The following AACS variants were observed in gnomAD, a reference collection of about 807,000 sequenced individuals.
AACS encodes the protein acetoacetyl-CoA synthetase, also known as acetoacetate-CoA ligase.
AACS carries 69 observed loss-of-function variants against 83.1 expected under a neutral mutation model. That is an observed-to-expected ratio of 0.83 (90% CI 0.68 to 1.01). The LOEUF is 1.01. Among genes scored for constraint, AACS ranks in the 50% least tolerant of loss-of-function variants. AACS has a pLI of 0.00. For missense variants in AACS, 866 were observed against 882.2 expected (o/e 0.98, Z 0.23); for synonymous variants, 333 against 343.4 (o/e 0.97, Z 0.33).
At chr12:125,132,413 G>C (rs575610467) in intron 14 of AACS, among the ~76,000 whole-genome samples, 7 of 152,196 alleles carry the variant, frequency 4.6e-5, no homozygotes, top group Non-Finnish European at 7.3e-5. Flanking sequence ...ACTGTATGTT[G>C]TTGCTGGCAC....
chr12:125,094,199 A>C lies in AACS; in HGVS notation c.570+2676A>C, dbSNP rs1294413843. On this transcript the variant is annotated intron_variant, in intron 5 of 17. Coordinates refer to ENST00000316519, the MANE Select transcript of AACS (RefSeq NM_023928.5). The surrounding 1 kb of genome is among the most constrained non-coding windows in gnomAD (Gnocchi z 4.1). Reference sequence around the variant, plus strand: ...TTCCTGCATCGGTTTGCAGATCTCTACTTAAAAAAGAGATCCTGTTTTTAA... The same window carrying C: ...TTCCTGCATCGGTTTGCAGATCTCTCCTTAAAAAAGAGATCCTGTTTTTAA... 6.6e-6 allele frequency among the ~76,000 whole-genome samples: 1 copy of C among 152,142 alleles called. No individual in the cohort carries two copies. Among genetic ancestry groups the C allele is most frequent in the Admixed American group, 6.5e-5 (1 of 15,284 alleles).
At chr12:125,135,482 A>T (rs1459692756) in intron 16 of AACS, among the ~76,000 whole-genome samples, 1 of 152,190 alleles carries the variant, frequency 6.6e-6, no homozygotes, top group African/African-American at 2.4e-5. Flanking sequence ...CATGCAGGAC[A>T]CCAAGCACAG....
chr12:125,065,543 G>A lies in AACS; in HGVS notation c.-42G>A, dbSNP rs1434313383. 5.5e-6 allele frequency: 8 copies of A among 1,467,610 alleles called. No homozygotes were observed. Among genetic ancestry groups the A allele is most frequent in the Admixed American group, 2.6e-5 (1 of 37,786 alleles). The allele number at this position is 1,467,610 out of a possible 1,614,324, so 90.9% of individuals were successfully genotyped here. On this transcript the variant is annotated 5_prime_UTR_variant, in exon 1 of 18. Coordinates refer to ENST00000316519, the MANE Select transcript of AACS (RefSeq NM_023928.5). ...GGCCCTCGCCTCAGCCCCGGCCCCT[G>A]GTCCCCAGCCCTCGTCGCAGCCCCG...
intron 1 of AACS, among the ~76,000 whole-genome samples, chr12:125,071,806 C>T (rs536397900): frequency 3.3e-5 from 5 of 152,228 alleles, no homozygotes; most frequent in South Asian, 2.1e-4. Context: ...TGGGGCTGGC[C>T]GCGTCTGCCT....
intron 9 of AACS, among the ~76,000 whole-genome samples, chr12:125,116,884 C>T (rs1379291963): frequency 7.2e-6 from 1 of 139,846 alleles, no homozygotes; most frequent in Non-Finnish European, 1.5e-5. Context: ...TCCCTCCCTT[C>T]CCCTCCCTAC....
chr12:125,081,270 A>G (rs911525261), intron 3 of AACS, among the ~76,000 whole-genome samples: 1 of 152,364 alleles, frequency 6.6e-6, no homozygotes, highest in East Asian at 1.9e-4. Flanking sequence ...TTGGGATTAC[A>G]GGCGTGAACC....
intron 5 of AACS, among the ~76,000 whole-genome samples, chr12:125,093,373 A>G (rs927546785): frequency 6.6e-6 from 1 of 152,344 alleles, no homozygotes. Context: ...CTGCAGTGGC[A>G]GGGCTGGACC....
chr12:125,135,267 G>T (rs763446741), intron 16 of AACS, among the ~76,000 whole-genome samples: 4 of 151,824 alleles, frequency 2.6e-5, no homozygotes, highest in Non-Finnish European at 5.9e-5. Flanking sequence ...GCTAGTTTTT[G>T]TATTTTTAGT....
At chr12:125,077,104 C>T (rs957575188) in intron 3 of AACS, among the ~76,000 whole-genome samples, 16 of 141,954 alleles carry the variant, frequency 1.1e-4, no homozygotes, top group African/African-American at 4.0e-4. Context: ...TTAGTAGAGA[C>T]AGGGTCTTGC....
At chr12:125,066,170 C>T (rs1324334845) in intron 1 of AACS, among the ~76,000 whole-genome samples, 2 of 152,176 alleles carry the variant, frequency 1.3e-5, no homozygotes, top group Non-Finnish European at 2.9e-5. Flanking sequence ...TGACCTCCCT[C>T]ATCTCCAGCT....
At position 125,113,956 on chromosome 12, in the gene AACS, C is replaced by T. The variant is rs1957000361; in HGVS notation, c.916-521C>T. Among the ~76,000 whole-genome samples, 1 of 151,956 alleles carries T rather than the reference C, an allele frequency of 6.6e-6. No individual in the cohort carries two copies. Among genetic ancestry groups the T allele is most frequent in the Non-Finnish European group, 1.5e-5 (1 of 67,986 alleles). On this transcript the variant is annotated intron_variant, in intron 8 of 17. Transcript: ENST00000316519. The surrounding 1 kb of genome is among the most constrained non-coding windows in gnomAD (Gnocchi z 4.8). ...GCCAGAAGCAGGGTCTTGTGCTGTC[C>T]CCTCAGCTGAGGCATTCCTGAAATC...
In AACS at chr12:125,124,834, T is replaced by G. The variant is rs544839094; in HGVS notation, c.1186+65T>G. 174 of 1,613,966 alleles carry G rather than the reference T, an allele frequency of 1.1e-4. 1 individual carries two copies. The highest frequency in any genetic ancestry group is 1.4e-4 in the Non-Finnish European group (161 of 1,179,950). The stretch of plus-strand genomic sequence containing the variant: ...ATCAAGGAAATTAAATCCATCCTAT[T>G]TCCTGCTTGCGAGTGAGGCTTCAGG... On this transcript the variant is annotated intron_variant, in intron 11 of 17. Coordinates refer to ENST00000316519, the MANE Select transcript of AACS (RefSeq NM_023928.5).
At chr12:125,108,863 CTTTTT>C (rs60511961) in intron 8 of AACS, among the ~76,000 whole-genome samples, 1 of 126,412 alleles carries the variant, frequency 7.9e-6, no homozygotes, top group Admixed American at 8.0e-5. Flanking sequence ...ATTTTTGTGG[CTTTTT>C]TTTTTTTTTT....
chr12:125,136,688 A>G lies in AACS; in HGVS notation c.1705A>G (p.Ser569Gly). ...IVESFEEVED[S>G]LCVPQYNKYR... ...GGAATCCTTCGAGGAGGTGGAGGAC[A>G]GCCTGTGTGTCCCCCAGTATAACAA... The change falls in exon 17 of 18, where the codon AGC (serine) becomes GGC (glycine). Residue 569 changes from serine (S) to glycine (G), a missense_variant. Coordinates refer to ENST00000316519, the MANE Select transcript of AACS (RefSeq NM_023928.5). The G allele has an allele frequency of 6.2e-7, 1 of 1,614,056 alleles. No individual in the cohort carries two copies.
chr12:125,083,242 C>T (rs560437908), intron 3 of AACS, among the ~76,000 whole-genome samples: 2 of 152,330 alleles, frequency 1.3e-5, no homozygotes, highest in Admixed American at 6.5e-5. Context: ...CGTTCCTCCT[C>T]GTGTGGGCTG....
intron 2 of AACS, 42 bp from the exon 3 acceptor site, chr12:125,076,449 G>C: frequency 6.2e-7 from 1 of 1,606,856 alleles, no homozygotes; most frequent in Non-Finnish European, 8.5e-7. Context: ...CTGTAGCGTA[G>C]TCTCATGTGT....
intron 5 of AACS, 36 bp from the exon 6 acceptor site, chr12:125,102,643 G>T: frequency 1.3e-6 from 2 of 1,598,154 alleles, no homozygotes; most frequent in South Asian, 2.2e-5. Context: ...TTTGCCTTTT[G>T]GATGATCAAT....
rs1957526957 is a variant in AACS at position 125,143,062 on chromosome 12, T to C, written c.*833T>C. On this transcript the variant is annotated 3_prime_UTR_variant, in exon 18 of 18. Coordinates refer to ENST00000316519, the MANE Select transcript of AACS (RefSeq NM_023928.5). ...TGTGCTGCCTCCACCTGAGAGTTGC[T>C]AGGGGGTTCTTGTCGAGATCATGTC... 1 of 152,188 alleles carries C rather than the reference T, an allele frequency of 6.6e-6. No homozygotes were observed. Among genetic ancestry groups the C allele is most frequent in the Non-Finnish European group, 1.5e-5 (1 of 68,024 alleles). 9.4% of individuals were successfully genotyped at this position (152,188 alleles called of 1,614,324 possible).
intron 5 of AACS, chr12:125,102,342 G>A (rs73231660): frequency 0.12 from 32,528 of 269,476 alleles, 2,187 homozygotes; most frequent in South Asian, 0.15. Flanking sequence ...GAGCCAGCGC[G>A]CCCGGCCTCA....
Sources: allele counts gnomAD v4.1 joint callset (sites outside exome capture counted in the v4.1 genomes callset), GRCh38; gene constraint gnomAD v4.1.1; non-coding constraint Gnocchi (gnomAD v3.1); transcripts MANE v1.5; gene names NCBI Gene and HGNC (gene_info 2026-07-23, HGNC 2026-07-21).